LAMB4: variants seen among roughly 807,000 people sequenced by gnomAD.
LAMB4 encodes laminin subunit beta 4, also known as laminin subunit beta-4.
Under a neutral mutation model 199.2 loss-of-function variants are expected in LAMB4, and 196 were observed. The ratio of observed to expected loss-of-function variants is 0.98; its 90% confidence interval spans 0.88 to 1.11. LAMB4 has a LOEUF of 1.11. Among genes scored for constraint, LAMB4 ranks in the 50% least tolerant of loss-of-function variants. The pLI is 0.00. For missense variants in LAMB4, 2,080 were observed against 2,171.2 expected (o/e 0.96, Z 0.83); for synonymous variants, 744 against 770.6 (o/e 0.97, Z 0.57).
chr7:108,042,432 T>C (rs934613886), intron 29 of LAMB4, among the ~76,000 whole-genome samples: 4 of 151,716 alleles, frequency 2.6e-5, no homozygotes, highest in Non-Finnish European at 4.4e-5. Flanking sequence ...AAGGAGGTCA[T>C]GTAGACCCTA....
chr7:108,078,762 C>G (rs1167094371), intron 15 of LAMB4, among the ~76,000 whole-genome samples: 1 of 152,228 alleles, frequency 6.6e-6, no homozygotes, highest in Non-Finnish European at 1.5e-5. Context: ...GGGCCATATT[C>G]TCTCTACAGA....
At chr7:108,078,720 T>C (rs2036806139) in intron 15 of LAMB4, among the ~76,000 whole-genome samples, 2 of 152,214 alleles carry the variant, frequency 1.3e-5, no homozygotes. Flanking sequence ...TTCTGAAGCC[T>C]TACAATTTGG....
At position 108,037,469 on chromosome 7, in the gene LAMB4, T is replaced by C; in HGVS notation, c.4598A>G (p.Glu1533Gly). The C allele has an allele frequency of 6.2e-7, 1 of 1,614,160 alleles. No homozygotes were observed. The highest frequency in any genetic ancestry group is 8.5e-7 in the Non-Finnish European group (1 of 1,180,000). ...VKIQKHMQLCEDYRTDENRLN... is the reference protein window; with the variant it reads ...VKIQKHMQLCGDYRTDENRLN... The stretch of plus-strand genomic sequence containing the variant: ...CCTGTTTTCATCTGTCCTGTAATCC[T>C]CACAGAGTTGCATATGTTTCTGTAT... The change falls in exon 30 of 34, where the codon GAG (glutamate) becomes GGG (glycine). Residue 1533 changes from glutamate (E) to glycine (G), a missense_variant. Glu to Gly is a moderately conservative substitution (Grantham distance 98, BLOSUM62 -2). Transcript: ENST00000388781.
intron 10 of LAMB4, 36 bp downstream of exon 10, chr7:108,103,008 A>G (rs754494368): frequency 6.7e-7 from 1 of 1,501,120 alleles, no homozygotes; most frequent in African/African-American, 1.4e-5. Flanking sequence ...CTTTGCTCAG[A>G]CAGTGGGTAG....
chr7:108,026,914 G>A (rs1291197307), intron 33 of LAMB4: 1 of 517,588 alleles, frequency 1.9e-6, no homozygotes, highest in African/African-American at 1.9e-5. Flanking sequence ...TCTGAAAACA[G>A]CCTCAAAAGG....
intron 12 of LAMB4, among the ~76,000 whole-genome samples, chr7:108,093,669 A>C (rs2037493808): frequency 6.6e-6 from 1 of 152,178 alleles, no homozygotes; most frequent in Non-Finnish European, 1.5e-5. Flanking sequence ...AAGTGTTATA[A>C]TATTTAGTAT....
At chr7:108,085,357 A>G (rs1413681232) in intron 14 of LAMB4, among the ~76,000 whole-genome samples, 1 of 152,202 alleles carries the variant, frequency 6.6e-6, no homozygotes, top group Non-Finnish European at 1.5e-5. Context: ...GTGAGTTGAA[A>G]TGTTCTTATG....
intron 3 of LAMB4, among the ~76,000 whole-genome samples, chr7:108,114,289 T>A (rs2038334909): frequency 6.6e-6 from 1 of 152,116 alleles, no homozygotes; most frequent in Non-Finnish European, 1.5e-5. Context: ...GGCATGGTGG[T>A]GCTTGCCTAC....
chr7:108,048,454 T>A (rs2035719341), intron 27 of LAMB4, among the ~76,000 whole-genome samples: 1 of 151,978 alleles, frequency 6.6e-6, no homozygotes. Flanking sequence ...GCATGTGGCC[T>A]GGCTGTCAGA....
At chr7:108,103,607 C>T (rs1018410845) in intron 9 of LAMB4, among the ~76,000 whole-genome samples, 1 of 152,184 alleles carries the variant, frequency 6.6e-6, no homozygotes, top group Admixed American at 6.5e-5. Context: ...ATGAAATATT[C>T]TGCATGCTCT....
intron 15 of LAMB4, among the ~76,000 whole-genome samples, chr7:108,079,396 C>T (rs1362207748): frequency 6.6e-6 from 1 of 152,230 alleles, no homozygotes; most frequent in Non-Finnish European, 1.5e-5. Context: ...TGTAGCTTCT[C>T]TCCATGGGAT....
chr7:108,040,333 G>C (rs182721734), intron 29 of LAMB4, among the ~76,000 whole-genome samples: 1 of 152,186 alleles, frequency 6.6e-6, no homozygotes, highest in Admixed American at 6.5e-5. Flanking sequence ...TGGCTATACT[G>C]CCCAAAACAA....
In LAMB4 at chr7:108,111,915, C is replaced by T. The variant is rs2038239718; in HGVS notation, c.224G>A (p.Arg75Lys). ...GEQKCFICDSRFPYDPYDQPN... is the reference protein window; with the variant it reads ...GEQKCFICDSKFPYDPYDQPN... ...TTGGTCATACGGATCATATGGAAAT[C>T]TAGAGTCACAGATGAAGCATTTTTG... Residue 75 changes from arginine (R) to lysine (K), a missense_variant, in exon 4 of 34, where the codon AGA (arginine) becomes AAA (lysine). Coordinates refer to ENST00000388781, the MANE Select transcript of LAMB4 (RefSeq NM_007356.3). The T allele has an allele frequency of 6.2e-7, 1 of 1,609,424 alleles. No individual in the cohort carries two copies. The highest frequency in any genetic ancestry group is 8.5e-7 in the Non-Finnish European group (1 of 1,178,278).
intron 31 of LAMB4, among the ~76,000 whole-genome samples, chr7:108,031,692 A>G (rs1013653925): frequency 6.6e-6 from 1 of 152,212 alleles, no homozygotes; most frequent in African/African-American, 2.4e-5. Flanking sequence ...TATGAAAATT[A>G]TGCTTATGTA....
intron 33 of LAMB4, among the ~76,000 whole-genome samples, chr7:108,025,740 T>G (rs920395524): frequency 4.6e-5 from 7 of 152,148 alleles, no homozygotes; most frequent in African/African-American, 1.7e-4. Context: ...AACTTTCAAA[T>G]GTAGGTTATT....
chr7:108,040,494 A>G (rs1483876908), intron 29 of LAMB4, among the ~76,000 whole-genome samples: 1 of 152,260 alleles, frequency 6.6e-6, no homozygotes, highest in East Asian at 1.9e-4. Flanking sequence ...ACATCGTGCT[A>G]TCTGACTTCA....
intron 10 of LAMB4, among the ~76,000 whole-genome samples, chr7:108,102,310 G>A (rs1423061965): frequency 1.3e-5 from 2 of 152,168 alleles, no homozygotes; most frequent in South Asian, 2.1e-4. Flanking sequence ...GTTGCTGAAA[G>A]ACACATACAA....
intron 14 of LAMB4, among the ~76,000 whole-genome samples, chr7:108,082,321 C>A (rs1221645710): frequency 1.5e-5 from 2 of 131,232 alleles, no homozygotes; most frequent in African/African-American, 5.7e-5. Context: ...AAGAGCGAGA[C>A]TCCGTCTTAA....
Position 108,098,440 on chromosome 7 carries a change from G to C in LAMB4, c.1323C>G (p.His441Gln). 6.5e-7 allele frequency: 1 copy of C among 1,535,914 alleles called. No individual in the cohort carries two copies. The highest frequency in any genetic ancestry group is 8.8e-7 in the Non-Finnish European group (1 of 1,141,168). Residue 441 changes from histidine to glutamine, a missense_variant, in exon 11 of 34, where the codon CAC (histidine) becomes CAG (glutamine). By Grantham distance (24) the His-to-Gln change is conservative. Coordinates refer to ENST00000388781, the MANE Select transcript of LAMB4 (RefSeq NM_007356.3). ...GGGGGTCGGTGGCGCTTAGTCCGTA[G>C]TGGTTGGGTTTGCACTGGTCGCATT... ...GAKCDQCKPN[H>Q]YGLSATDPLG...
Sources: allele counts gnomAD v4.1 joint callset (sites outside exome capture counted in the v4.1 genomes callset), GRCh38; gene constraint gnomAD v4.1.1; transcripts MANE v1.5; gene names NCBI Gene and HGNC (gene_info 2026-07-23, HGNC 2026-07-21).